PIK3AP1: variants seen among roughly 807,000 people sequenced by gnomAD.
PIK3AP1 encodes phosphoinositide-3-kinase adaptor protein 1, also known as phosphoinositide 3-kinase adapter protein 1.
A neutral mutation model predicts 88.1 loss-of-function variants in PIK3AP1; 21 were observed. The ratio of observed to expected loss-of-function variants is 0.24; its 90% confidence interval spans 0.17 to 0.34. The LOEUF (loss-of-function observed/expected upper bound fraction) is 0.34, where lower values mean the gene tolerates loss of function less well. PIK3AP1 is among the 10% of genes least tolerant of loss of function. The pLI is 1.00. For synonymous variants in PIK3AP1, 398 were observed against 400.0 expected (o/e 1.00, Z 0.06); for missense variants, 828 against 1,035.7 (o/e 0.80, Z 2.75).
chr10:96,606,446 C>T (rs1849003803), intron 14 of PIK3AP1, among the ~76,000 whole-genome samples: 2 of 152,208 alleles, frequency 1.3e-5, no homozygotes. Context: ...TCCATGACTC[C>T]GGAAACTCAT....
Position 96,602,264 on chromosome 10 carries a change from T to C in PIK3AP1, c.2360+16A>G. 6.4e-7 allele frequency: 1 copy of C among 1,570,166 alleles called. No individual in the cohort carries two copies. On this transcript the variant is annotated intron_variant, in intron 16 of 16. Coordinates refer to ENST00000339364, the MANE Select transcript of PIK3AP1 (RefSeq NM_152309.3). ...TCAGAGATAAGGGAAAAATTTCATA[T>C]CAGTTTTGATGTTACCTCTGTGAGG...
In PIK3AP1 at chr10:96,720,131, G is replaced by A. The variant is rs1365339359; in HGVS notation, c.13+251C>T. ...AGGGCCAGAGGTGGAGGGAGCGAAG[G>A]AGACCCTGAAGAAGTGGGAGGGGGT... On this transcript the variant is annotated intron_variant, in intron 1 of 16. Transcript: ENST00000339364. This position sits in a 1 kb window ranked among gnomAD's most constrained non-coding sequence, Gnocchi z 4.6. 6.6e-6 allele frequency among the ~76,000 whole-genome samples: 1 copy of A among 152,216 alleles called. No homozygotes were observed. Among genetic ancestry groups the A allele is most frequent in the Non-Finnish European group, 1.5e-5 (1 of 68,034 alleles).
At chr10:96,719,944 T>G (rs1050888809) in intron 1 of PIK3AP1, among the ~76,000 whole-genome samples, 1 of 152,160 alleles carries the variant, frequency 6.6e-6, no homozygotes, top group Non-Finnish European at 1.5e-5. Flanking sequence ...GGCTGATCTC[T>G]CCGCACCACC....
Position 96,696,937 on chromosome 10 carries a change from C to T in PIK3AP1, c.430+12630G>A, listed in dbSNP as rs139688566. Among the ~76,000 whole-genome samples the T allele has an allele frequency of 6.1e-3, 934 of 152,242 alleles. 3 individuals carry two copies. The highest frequency in any genetic ancestry group is 0.01 in the Middle Eastern group (3 of 294). On this transcript the variant is annotated intron_variant, in intron 2 of 16. Transcript: ENST00000339364. ...GAAATGCAAGGTATGTAAAATCACACATAGTTGGAATTAAGAAATTTCATG... is the reference window on the plus strand; with the variant it reads ...GAAATGCAAGGTATGTAAAATCACATATAGTTGGAATTAAGAAATTTCATG...
chr10:96,699,459 T>G (rs1253199555), intron 2 of PIK3AP1, among the ~76,000 whole-genome samples: 1 of 152,246 alleles, frequency 6.6e-6, no homozygotes, highest in Non-Finnish European at 1.5e-5. Context: ...AAATTAATTT[T>G]ACTTGTTTCT....
intron 3 of PIK3AP1, among the ~76,000 whole-genome samples, chr10:96,656,431 A>G (rs978005016): frequency 1.5e-4 from 23 of 152,234 alleles, no homozygotes; most frequent in African/African-American, 5.1e-4. Context: ...CAGATGCCCA[A>G]GATGCATTTC....
intron 2 of PIK3AP1, among the ~76,000 whole-genome samples, chr10:96,699,300 A>G (rs1478615135): frequency 6.6e-6 from 1 of 152,250 alleles, no homozygotes; most frequent in African/African-American, 2.4e-5. Context: ...ACATATGGCT[A>G]CTGAACATTC....
At chr10:96,630,740 G>A (rs1843233654) in intron 8 of PIK3AP1, among the ~76,000 whole-genome samples, 1 of 152,110 alleles carries the variant, frequency 6.6e-6, no homozygotes, top group Admixed American at 6.5e-5. Flanking sequence ...CTATTCAGGA[G>A]GCTGGGGTGG....
chr10:96,706,940 C>T (rs1350794150), intron 2 of PIK3AP1, among the ~76,000 whole-genome samples: 2 of 152,212 alleles, frequency 1.3e-5, no homozygotes, highest in East Asian at 3.8e-4. Context: ...TATATTGAGG[C>T]TATAAGGCTT....
chr10:96,645,368 G>A (rs549399990), intron 8 of PIK3AP1, 105 bp downstream of exon 8: 1 of 1,129,902 alleles, frequency 8.9e-7, no homozygotes, highest in Non-Finnish European at 1.3e-6. Context: ...TCTCTCTGGG[G>A]TGAAGTGAGG....
At chr10:96,711,910 C>A (rs1844443886) in intron 1 of PIK3AP1, among the ~76,000 whole-genome samples, 1 of 151,476 alleles carries the variant, frequency 6.6e-6, no homozygotes, top group Non-Finnish European at 1.5e-5. Context: ...GCCATCACGC[C>A]CGGCTAATTT....
chr10:96,687,219 G>C (rs1482413386), intron 2 of PIK3AP1, among the ~76,000 whole-genome samples: 1 of 127,144 alleles, frequency 7.9e-6, no homozygotes, highest in South Asian at 2.5e-4. Flanking sequence ...CAGCGCCACC[G>C]CAGTCCGGCC....
chr10:96,609,703 G>A lies in PIK3AP1; in HGVS notation c.2170+9C>T. The A allele has an allele frequency of 6.2e-7, 1 of 1,610,750 alleles. No homozygotes were observed. The highest frequency in any genetic ancestry group is 8.5e-7 in the Non-Finnish European group (1 of 1,178,672). Reference sequence around the variant, plus strand: ...AGAAGACCCCACCCCCGCACCCCCAGCTGCTCACTTGCTGTGCTGGAGGTG... The same window carrying A: ...AGAAGACCCCACCCCCGCACCCCCAACTGCTCACTTGCTGTGCTGGAGGTG... On this transcript the variant is annotated intron_variant, in intron 14 of 16. Transcript: ENST00000339364.
chr10:96,685,685 C>G (rs1185341347), intron 2 of PIK3AP1, among the ~76,000 whole-genome samples: 1 of 152,192 alleles, frequency 6.6e-6, no homozygotes, highest in Non-Finnish European at 1.5e-5. Context: ...AAAACTGAAT[C>G]TTAGGCTTGC....
At chr10:96,620,751 C>G in intron 11 of PIK3AP1, 194 bp from the exon 12 acceptor site, 1 of 572,356 alleles carries the variant, frequency 1.7e-6, no homozygotes, top group Non-Finnish European at 3.1e-6. Context: ...AGGCCTATCA[C>G]ACTGAAGTAG....
intron 16 of PIK3AP1, among the ~76,000 whole-genome samples, chr10:96,598,619 T>C (rs1195478443): frequency 6.6e-6 from 1 of 152,198 alleles, no homozygotes; most frequent in Non-Finnish European, 1.5e-5. Context: ...GAGACACATC[T>C]ACACAAGGGT....
intron 10 of PIK3AP1, among the ~76,000 whole-genome samples, chr10:96,624,699 T>C (rs7893657): frequency 0.87 from 132,586 of 151,712 alleles, 58,799 homozygotes; most frequent in East Asian, 1. Context: ...ACTTACCCAA[T>C]ATCCTATGCT....
intron 1 of PIK3AP1, among the ~76,000 whole-genome samples, chr10:96,714,319 T>C (rs1844474945): frequency 6.6e-6 from 1 of 152,180 alleles, no homozygotes; most frequent in Admixed American, 6.6e-5. Flanking sequence ...CCACAAAGTA[T>C]ATGTTATCAA....
At chr10:96,624,172 T>C (rs1382397501) in intron 10 of PIK3AP1, among the ~76,000 whole-genome samples, 2 of 152,212 alleles carry the variant, frequency 1.3e-5, no homozygotes, top group Non-Finnish European at 2.9e-5. Flanking sequence ...TTCTTATCTG[T>C]AGAATGAGGA....
Sources: allele counts gnomAD v4.1 joint callset (sites outside exome capture counted in the v4.1 genomes callset), GRCh38; gene constraint gnomAD v4.1.1; non-coding constraint Gnocchi (gnomAD v3.1); transcripts MANE v1.5; gene names NCBI Gene and HGNC (gene_info 2026-07-23, HGNC 2026-07-21).